CD38: variants seen among roughly 807,000 people sequenced by gnomAD.
CD38 encodes the protein CD38 molecule.
A neutral mutation model predicts 36.3 loss-of-function variants in CD38; 31 were observed. The ratio of observed to expected loss-of-function variants is 0.85; its 90% CI spans 0.64 to 1.15. The LOEUF is 1.15. Among genes scored for constraint, CD38 ranks in the 50% most tolerant of loss-of-function variants. The pLI is 0.00. For synonymous variants in CD38, 131 were observed against 135.2 expected (o/e 0.97, Z 0.22); for missense variants, 380 against 371.9 (o/e 1.02, Z -0.18).
At chr4:15,812,551 A>T (rs960884457) in intron 1 of CD38, among the ~76,000 whole-genome samples, 11 of 152,052 alleles carry the variant, frequency 7.2e-5, no homozygotes, top group East Asian at 3.9e-4. Flanking sequence ...ATAATAATAA[A>T]AAACTGGGCA....
At chr4:15,823,790 T>A (rs1385451079) in intron 2 of CD38, among the ~76,000 whole-genome samples, 2 of 152,210 alleles carry the variant, frequency 1.3e-5, no homozygotes, top group African/African-American at 4.8e-5. Context: ...AAATACCGTT[T>A]GACCCAGCAA....
chr4:15,791,663 C>T (rs1459352871), intron 1 of CD38, among the ~76,000 whole-genome samples: 4 of 93,178 alleles, frequency 4.3e-5, no homozygotes, highest in Admixed American at 8.4e-5. Flanking sequence ...CCGCCCCGTC[C>T]GGGAGGGAGG....
intron 2 of CD38, among the ~76,000 whole-genome samples, chr4:15,820,024 G>C (rs1176408481): frequency 6.6e-6 from 1 of 152,310 alleles, no homozygotes; most frequent in East Asian, 1.9e-4. Flanking sequence ...AGCCAGAAGA[G>C]ATTGGGGGCC....
intron 3 of CD38, among the ~76,000 whole-genome samples, chr4:15,832,574 C>G (rs1475448034): frequency 1.3e-5 from 2 of 152,156 alleles, no homozygotes. Context: ...GGCAGAGATT[C>G]TTTTTCTAGT....
At chr4:15,827,190 A>G (rs1723868350) in intron 3 of CD38, among the ~76,000 whole-genome samples, 1 of 152,170 alleles carries the variant, frequency 6.6e-6, no homozygotes, top group South Asian at 2.1e-4. Flanking sequence ...TGGCAAAGCA[A>G]GAAGCAAAGT....
At position 15,852,276 on chromosome 4, in the gene CD38, T is replaced by C. The variant is rs922033334; in HGVS notation, c.*3674T>C. On this transcript the variant is annotated 3_prime_UTR_variant, in exon 8 of 8. Coordinates refer to ENST00000226279, the MANE Select transcript of CD38 (RefSeq NM_001775.4). ...GTTTCTTTGGCTTTGCCTTGGTAAC[T>C]TTCTGTGCCTTTTGTAGCTCTTGTT... is the stretch of plus-strand genomic sequence containing the variant. 3.3e-5 allele frequency: 5 copies of C among 152,242 alleles called. No homozygotes were observed. Among genetic ancestry groups the C allele is most frequent in the African/African-American group, 1.2e-4 (5 of 41,466 alleles). The allele number at this position is 152,242 out of a possible 1,614,324, so 9.4% of individuals were successfully genotyped here. A position where few individuals can be genotyped will look rare whatever the true frequency, so the allele number is the denominator to read the frequency against.
chr4:15,808,334 C>T (rs1723388368), intron 1 of CD38, among the ~76,000 whole-genome samples: 1 of 152,044 alleles, frequency 6.6e-6, no homozygotes, highest in Non-Finnish European at 1.5e-5. Flanking sequence ...ATGAGGGATG[C>T]GAAAGGATAC....
At chr4:15,787,462 G>A (rs554674961) in intron 1 of CD38, among the ~76,000 whole-genome samples, 1 of 152,220 alleles carries the variant, frequency 6.6e-6, no homozygotes, top group African/African-American at 2.4e-5. Flanking sequence ...ATTTAATGTT[G>A]AGCCCTCTTG....
chr4:15,802,385 G>T (rs768633745), intron 1 of CD38, among the ~76,000 whole-genome samples: 1 of 151,982 alleles, frequency 6.6e-6, no homozygotes, highest in Non-Finnish European at 1.5e-5. Flanking sequence ...CAGATTCAGT[G>T]CAATCTCTAT....
rs577347855 is a variant in CD38 at position 15,850,622 on chromosome 4, C to T, written c.*2020C>T. 6.6e-6 allele frequency: 1 copy of T among 152,476 alleles called. No individual in the cohort carries two copies. Among genetic ancestry groups the T allele is most frequent in the Non-Finnish European group, 1.5e-5 (1 of 68,156 alleles). 9.4% of individuals were successfully genotyped at this position (152,476 alleles called of 1,614,324 possible). On this transcript the variant is annotated 3_prime_UTR_variant, in exon 8 of 8. Transcript: ENST00000226279. Reference sequence around the variant, plus strand: ...CAACAGAGTTGGTTCCTTTCTTCCTCCCCTGCTTGACAATCCAGTTTCCCA... The same window carrying T: ...CAACAGAGTTGGTTCCTTTCTTCCTTCCCTGCTTGACAATCCAGTTTCCCA...
At chr4:15,804,790 C>G (rs923063256) in intron 1 of CD38, among the ~76,000 whole-genome samples, 1 of 151,962 alleles carries the variant, frequency 6.6e-6, no homozygotes, top group Non-Finnish European at 1.5e-5. Context: ...AGAGATTGAT[C>G]AATGAATACA....
chr4:15,825,168 A>T, intron 3 of CD38, 152 bp downstream of exon 3: 1 of 659,594 alleles, frequency 1.5e-6, no homozygotes. Context: ...TTGTGTTGCT[A>T]TTAAGGAATA....
At chr4:15,814,655 A>G (rs1193068268) in intron 1 of CD38, among the ~76,000 whole-genome samples, 2 of 152,148 alleles carry the variant, frequency 1.3e-5, no homozygotes, top group African/African-American at 4.8e-5. Flanking sequence ...TGTTTTCTGT[A>G]TATGGCTAGC....
chr4:15,822,037 C>T (rs1053836243), intron 2 of CD38, among the ~76,000 whole-genome samples: 5 of 152,106 alleles, frequency 3.3e-5, no homozygotes, highest in African/African-American at 9.7e-5. Context: ...GCAGGTTCAA[C>T]GTACATGAAT....
chr4:15,806,074 A>G (rs1025975924), intron 1 of CD38, among the ~76,000 whole-genome samples: 2 of 152,186 alleles, frequency 1.3e-5, no homozygotes, highest in African/African-American at 4.8e-5. Flanking sequence ...CTTTGTGAGA[A>G]TGGTATAGGT....
At chr4:15,799,680 G>A (rs1203673940) in intron 1 of CD38, among the ~76,000 whole-genome samples, 1 of 152,122 alleles carries the variant, frequency 6.6e-6, no homozygotes, top group Non-Finnish European at 1.5e-5. Flanking sequence ...AATGAATAGA[G>A]GTTCTATGAA....
intron 4 of CD38, among the ~76,000 whole-genome samples, chr4:15,835,899 ATATT>A (rs1438347097): frequency 6.6e-6 from 1 of 152,158 alleles, no homozygotes; most frequent in Non-Finnish European, 1.5e-5. Flanking sequence ...CTACCTGTGT[ATATT>A]TATTTATCTT....
chr4:15,839,195 C>T (rs1273702249), intron 5 of CD38, among the ~76,000 whole-genome samples: 1 of 152,086 alleles, frequency 6.6e-6, no homozygotes, highest in East Asian at 1.9e-4. Context: ...AAAGCATTAA[C>T]ATTTCAGAAT....
At chr4:15,805,554 C>T (rs1470446443) in intron 1 of CD38, among the ~76,000 whole-genome samples, 2 of 151,928 alleles carry the variant, frequency 1.3e-5, no homozygotes, top group Admixed American at 6.6e-5. Context: ...GTTTATTGTC[C>T]GTCTTTGTTC....
Sources: gnomAD v4.1 joint callset for allele counts (sites outside exome capture counted in the v4.1 genomes callset) on GRCh38, gnomAD v4.1.1 for gene constraint, MANE v1.5 for transcripts, NCBI Gene and HGNC (gene_info 2026-07-23, HGNC 2026-07-21) for gene names.